Variants in TYW1 observed in about 807,000 individuals in gnomAD.
TYW1 encodes tRNA-yW synthesizing protein 1 homolog, also known as S-adenosyl-L-methionine-dependent tRNA 4-demethylwyosine synthase TYW1.
TYW1 carries 46 observed loss-of-function variants against 96.2 expected under a neutral mutation model. The observed-to-expected ratio is 0.48, with a 90% CI of 0.38 to 0.61. The LOEUF is 0.61. TYW1 is among the 20% of genes least tolerant of loss of function. The pLI is 0.00. For synonymous variants in TYW1, 274 were observed against 323.0 expected (o/e 0.85, Z 1.63); for missense variants, 684 against 909.6 (o/e 0.75, Z 3.19).
chr7:67,068,338 T>G (rs910153719), intron 10 of TYW1, among the ~76,000 whole-genome samples: 1 of 152,200 alleles, frequency 6.6e-6, no homozygotes, highest in African/African-American at 2.4e-5. Context: ...CCCATTTCTT[T>G]CCTTCACTTA....
intron 15 of TYW1, among the ~76,000 whole-genome samples, chr7:67,222,867 T>TTTC (rs755916779): frequency 0.26 from 20,019 of 76,074 alleles, 1,392 homozygotes; most frequent in Middle Eastern, 0.33. Context: ...GCTTTTTTTC[T>TTTC]TTTTTTTTTT....
At chr7:67,237,191 T>C (rs1801914970) in intron 15 of TYW1, among the ~76,000 whole-genome samples, 1 of 146,662 alleles carries the variant, frequency 6.8e-6, no homozygotes, top group Non-Finnish European at 1.5e-5. Flanking sequence ...TGGCCATTAG[T>C]CGAAGTTTTT....
At position 67,205,043 on chromosome 7, in the gene TYW1, A is replaced by G. The variant is rs181699766; in HGVS notation, c.1977+9706A>G. Among the ~76,000 whole-genome samples, 12 of 151,984 alleles carry G rather than the reference A, an allele frequency of 7.9e-5. No homozygotes were observed. In the East Asian group the frequency reaches 1.4e-3, roughly 17 times the overall value. On this transcript the variant is annotated intron_variant, in intron 15 of 15. Transcript: ENST00000359626. ...AGTTGAGATTTTCCTGTTTCTTGGT[A>G]TGATAAGTGATTTTCAGTTGTTTCC...
chr7:67,163,329 A>G (rs1799218427), intron 13 of TYW1, among the ~76,000 whole-genome samples: 1 of 152,176 alleles, frequency 6.6e-6, no homozygotes, highest in Non-Finnish European at 1.5e-5. Flanking sequence ...CTTTGCTTAC[A>G]GTCCCTCTTT....
chr7:67,031,180 G>A (rs1335721288), intron 7 of TYW1, among the ~76,000 whole-genome samples: 1 of 127,844 alleles, frequency 7.8e-6, no homozygotes, highest in Non-Finnish European at 1.6e-5. Flanking sequence ...GCGACAGAGC[G>A]AGACTCCATC....
chr7:67,122,941 A>G (rs1797802707), intron 13 of TYW1, among the ~76,000 whole-genome samples: 1 of 152,216 alleles, frequency 6.6e-6, no homozygotes, highest in Non-Finnish European at 1.5e-5. Context: ...GTTACATTTA[A>G]TTGGTGGCAT....
intron 3 of TYW1, among the ~76,000 whole-genome samples, chr7:67,007,767 T>G (rs1158515119): frequency 6.6e-6 from 1 of 152,060 alleles, no homozygotes; most frequent in Non-Finnish European, 1.5e-5. Context: ...CCCAAGTAGC[T>G]GGGATTACAG....
chr7:67,010,477 AT>A (rs201032960), intron 4 of TYW1, among the ~76,000 whole-genome samples: 4,509 of 135,126 alleles, frequency 0.033, 204 homozygotes, highest in East Asian at 0.17. Context: ...ATTTTAAAAG[AT>A]TTTTTTTTTT....
intron 12 of TYW1, among the ~76,000 whole-genome samples, chr7:67,101,379 G>A (rs564777679): frequency 5.3e-5 from 8 of 152,220 alleles, no homozygotes; most frequent in African/African-American, 1.2e-4. Flanking sequence ...TTGAAGTGGC[G>A]GGGTTTGTCC....
chr7:67,092,610 C>G (rs1357969438), intron 11 of TYW1, among the ~76,000 whole-genome samples: 1 of 151,746 alleles, frequency 6.6e-6, no homozygotes, highest in Non-Finnish European at 1.5e-5. Flanking sequence ...CCTCTTTTTC[C>G]TCTTGGCACC....
intron 1 of TYW1, 105 bp from the exon 2 acceptor site, chr7:66,997,960 T>C (rs960845591): frequency 9.4e-6 from 13 of 1,377,256 alleles, no homozygotes; most frequent in Non-Finnish European, 6.8e-6. Context: ...ATTTCTTAGC[T>C]GGGTTGTTGA....
intron 4 of TYW1, among the ~76,000 whole-genome samples, chr7:67,012,076 G>A (rs551566325): frequency 5.3e-4 from 81 of 152,236 alleles, no homozygotes; most frequent in Non-Finnish European, 6.8e-4. Flanking sequence ...GAGGCCAGGC[G>A]TGGTGGCTCT....
intron 15 of TYW1, among the ~76,000 whole-genome samples, chr7:67,197,364 T>C (rs547453296): frequency 6.6e-6 from 1 of 151,366 alleles, no homozygotes; most frequent in African/African-American, 2.4e-5. Flanking sequence ...CTTGCTCTGT[T>C]GCACAGGCTG....
intron 7 of TYW1, among the ~76,000 whole-genome samples, chr7:67,041,338 G>A (rs1394637365): frequency 6.6e-6 from 1 of 151,698 alleles, no homozygotes; most frequent in Non-Finnish European, 1.5e-5. Context: ...CAGTCTTGCT[G>A]TGTTGCCCAG....
intron 4 of TYW1, among the ~76,000 whole-genome samples, chr7:67,013,182 G>A (rs560387673): frequency 6.6e-6 from 1 of 151,356 alleles, no homozygotes; most frequent in African/African-American, 2.4e-5. Flanking sequence ...GTGTGCAGGG[G>A]TGTGATGGTG....
chr7:67,038,173 G>C (rs2129254235), intron 7 of TYW1, among the ~76,000 whole-genome samples: 1 of 152,212 alleles, frequency 6.6e-6, no homozygotes, highest in Admixed American at 6.5e-5. Context: ...CGTGGTGGCA[G>C]ATGCATGTAG....
intron 15 of TYW1, among the ~76,000 whole-genome samples, chr7:67,213,348 C>T (rs1257759722): frequency 5.9e-5 from 9 of 152,126 alleles, no homozygotes; most frequent in Admixed American, 3.9e-4. Flanking sequence ...TTAGTTGAGA[C>T]GGGGTTTCAT....
At position 67,108,168 on chromosome 7, in the gene TYW1, C is replaced by T. The variant is rs201994121; in HGVS notation, c.1563-9315C>T. 5.3e-5 allele frequency among the ~76,000 whole-genome samples: 8 copies of T among 151,960 alleles called. No individual in the cohort carries two copies. The East Asian group carries it at 5.8e-4, about 11-fold the overall frequency. The stretch of plus-strand genomic sequence containing the variant: ...CTGGGATTACAAGAATGAGCTACTG[C>T]GCCCAGACAAGATGGACATTTCTTA... On this transcript the variant is annotated intron_variant, in intron 12 of 15. Transcript: ENST00000359626.
chr7:67,091,985 T>C (rs1240014699), intron 11 of TYW1, among the ~76,000 whole-genome samples: 1 of 152,232 alleles, frequency 6.6e-6, no homozygotes, highest in Admixed American at 6.5e-5. Flanking sequence ...TCTGTGGTAG[T>C]GCCCTTTGTT....
Sources: allele counts gnomAD v4.1 joint callset (sites outside exome capture counted in the v4.1 genomes callset), GRCh38; gene constraint gnomAD v4.1.1; transcripts MANE v1.5; gene names NCBI Gene and HGNC (gene_info 2026-07-23, HGNC 2026-07-21).